The following VPS53 variants were observed in gnomAD, a reference collection of about 807,000 sequenced individuals.
VPS53 encodes the protein VPS53 subunit of GARP complex.
In VPS53, 70 loss-of-function variants were observed where a neutral mutation model predicts 107.0. The observed-to-expected ratio is 0.65, with a 90% CI of 0.54 to 0.80. VPS53 has a LOEUF of 0.80. VPS53 is among the 30% of genes least tolerant of loss of function. The pLI is 0.00. For missense variants in VPS53, 917 were observed against 1,049.4 expected (o/e 0.87, Z 1.74); for synonymous variants, 409 against 393.3 (o/e 1.04, Z -0.47).
chr17:575,381 G>A (rs372752504), intron 13 of VPS53, among the ~76,000 whole-genome samples: 6 of 152,172 alleles, frequency 3.9e-5, no homozygotes, highest in South Asian at 2.1e-4. Flanking sequence ...GAGGGGTGAA[G>A]TGCAATCAGA....
intron 1 of VPS53, among the ~76,000 whole-genome samples, chr17:712,138 T>C (rs1330526848): frequency 1.3e-5 from 2 of 149,662 alleles, no homozygotes. Flanking sequence ...TTAAAGAACT[T>C]CAGGGCAGAG....
At chr17:653,132 G>C in intron 7 of VPS53, 159 bp downstream of exon 7, 6 of 985,124 alleles carry the variant, frequency 6.1e-6, no homozygotes, top group Non-Finnish European at 7.2e-6. Context: ...CCGGATCTGT[G>C]GAATCCCCAT....
At chr17:553,715 C>T (rs746222490) in intron 15 of VPS53, among the ~76,000 whole-genome samples, 5 of 151,686 alleles carry the variant, frequency 3.3e-5, no homozygotes, top group Admixed American at 6.6e-5. Flanking sequence ...GGACTACAGG[C>T]GTGCGCTACC....
intron 7 of VPS53, among the ~76,000 whole-genome samples, chr17:652,934 T>C (rs1395788818): frequency 1.3e-5 from 2 of 152,236 alleles, no homozygotes; most frequent in Admixed American, 1.3e-4. Flanking sequence ...CTGATATTCC[T>C]TCACACACTA....
At position 537,378 on chromosome 17, in the gene VPS53, C is replaced by T; in HGVS notation, c.1867-202G>A. ...ATGCGAGTGTGCCCAGCGGACCCGACAGTGAGGTGTGACCCAGACCCTTTC... is the reference window on the plus strand; with the variant it reads ...ATGCGAGTGTGCCCAGCGGACCCGATAGTGAGGTGTGACCCAGACCCTTTC... On this transcript the variant is annotated intron_variant, in intron 17 of 21. Coordinates refer to ENST00000437048, the MANE Select transcript of VPS53 (RefSeq NM_001128159.3). 3.4e-6 allele frequency: 2 copies of T among 596,088 alleles called. 1 individual carries two copies. Among genetic ancestry groups the T allele is most frequent in the South Asian group, 4.2e-5 (2 of 47,060 alleles). 36.9% of individuals were successfully genotyped at this position (596,088 alleles called of 1,614,324 possible).
At chr17:570,105 G>A (rs1052720060) in intron 13 of VPS53, among the ~76,000 whole-genome samples, 6 of 151,944 alleles carry the variant, frequency 3.9e-5, no homozygotes, top group African/African-American at 9.7e-5. Context: ...GGTAGCTCAC[G>A]CCTGTAATCT....
chr17:599,193 C>T (rs1222026498), intron 12 of VPS53, among the ~76,000 whole-genome samples: 2 of 151,548 alleles, frequency 1.3e-5, no homozygotes, highest in East Asian at 2.0e-4. Context: ...TCTGCCCGGC[C>T]GCCCCTACTG....
chr17:567,012 T>C (rs953043654), intron 13 of VPS53, among the ~76,000 whole-genome samples: 4 of 152,174 alleles, frequency 2.6e-5, no homozygotes, highest in African/African-American at 7.2e-5. Context: ...CCCAAAGTGC[T>C]GGGATTACAG....
chr17:537,207 C>A, intron 17 of VPS53, 31 bp from the exon 18 acceptor site: 1 of 1,611,032 alleles, frequency 6.2e-7, no homozygotes, highest in Non-Finnish European at 8.5e-7. Context: ...GGCGTTGAAT[C>A]CCTCGCAGGA....
intron 13 of VPS53, among the ~76,000 whole-genome samples, chr17:571,898 T>G (rs886573132): frequency 2.0e-5 from 3 of 152,088 alleles, no homozygotes; most frequent in African/African-American, 7.2e-5. Flanking sequence ...CGCTACAACC[T>G]CCACCTCCCA....
At chr17:576,857 A>G (rs1914661035) in intron 13 of VPS53, among the ~76,000 whole-genome samples, 1 of 151,426 alleles carries the variant, frequency 6.6e-6, no homozygotes, top group South Asian at 2.1e-4. Flanking sequence ...GTGCATTCCC[A>G]GAGAACCTCC....
At chr17:686,995 AT>A (rs1338597644) in intron 4 of VPS53, among the ~76,000 whole-genome samples, 6 of 152,038 alleles carry the variant, frequency 3.9e-5, no homozygotes, top group Admixed American at 6.6e-5. Context: ...ATACTTAAAA[AT>A]TACATTAGCT....
At chr17:563,536 C>T (rs1913220055) in intron 13 of VPS53, among the ~76,000 whole-genome samples, 1 of 152,168 alleles carries the variant, frequency 6.6e-6, no homozygotes. Flanking sequence ...TCAGGTGATC[C>T]ACCCACCTTG....
intron 11 of VPS53, among the ~76,000 whole-genome samples, chr17:621,029 G>C (rs1969448187): frequency 1.3e-5 from 2 of 152,116 alleles, no homozygotes; most frequent in African/African-American, 2.4e-5. Flanking sequence ...AAATGCATTT[G>C]TATAAGAAAA....
intron 13 of VPS53, among the ~76,000 whole-genome samples, chr17:567,943 C>T (rs901251293): frequency 6.6e-6 from 1 of 151,788 alleles, no homozygotes; most frequent in Non-Finnish European, 1.5e-5. Context: ...ACCTCCTTCC[C>T]GAAATACTGC....
At chr17:656,322 T>G (rs1486445884) in intron 5 of VPS53, among the ~76,000 whole-genome samples, 1 of 152,220 alleles carries the variant, frequency 6.6e-6, no homozygotes, top group Non-Finnish European at 1.5e-5. Context: ...ATGAAGCCGC[T>G]GGGCCATATA....
chr17:713,198 T>C (rs1973706619), intron 1 of VPS53, among the ~76,000 whole-genome samples: 1 of 150,436 alleles, frequency 6.6e-6, no homozygotes, highest in South Asian at 2.1e-4. Flanking sequence ...CAAGACCCTA[T>C]CTCAAAAAAA....
rs922854115 is a variant in VPS53 at position 519,378 on chromosome 17, G to A, written c.2329-80C>T. 7.3e-7 allele frequency: 1 copy of A among 1,361,424 alleles called. No individual in the cohort carries two copies. Among genetic ancestry groups the A allele is most frequent in the African/African-American group, 1.5e-5 (1 of 68,050 alleles). The allele number at this position is 1,361,424 out of a possible 1,614,324, so 84.3% of individuals were successfully genotyped here. ...GGGGGACAGCGCAGTATCTGGATAT[G>A]GGGTCAGCAGAGGCTCTGGAGACAG... On this transcript the variant is annotated intron_variant, in intron 21 of 21. Transcript: ENST00000437048. The surrounding 1 kb of genome is among the most constrained non-coding windows in gnomAD (Gnocchi z 5.0).
chr17:587,780 G>A (rs780829807), intron 12 of VPS53, among the ~76,000 whole-genome samples: 1 of 152,148 alleles, frequency 6.6e-6, no homozygotes, highest in Non-Finnish European at 1.5e-5. Context: ...ATCATAATTT[G>A]CATGTAAATT....
Sources: allele counts gnomAD v4.1 joint callset (sites outside exome capture counted in the v4.1 genomes callset), GRCh38; gene constraint gnomAD v4.1.1; non-coding constraint Gnocchi (gnomAD v3.1); transcripts MANE v1.5; gene names NCBI Gene and HGNC (gene_info 2026-07-23, HGNC 2026-07-21).